BCKDHB: variants seen among roughly 807,000 people sequenced by gnomAD.
BCKDHB encodes 2-oxoisovalerate dehydrogenase subunit beta, mitochondrial.
A neutral mutation model predicts 48.5 loss-of-function variants in BCKDHB; 41 were observed. The ratio of observed to expected loss-of-function variants is 0.85; its 90% CI spans 0.66 to 1.10. BCKDHB has a LOEUF of 1.10. Ranked by LOEUF, BCKDHB falls within the 50% of genes least tolerant of loss-of-function variation. The pLI is 0.00. For missense variants in BCKDHB, 496 were observed against 494.2 expected, an observed-to-expected ratio of 1.00 and a Z score of -0.03; for synonymous variants, 201 against 174.8, an observed-to-expected ratio of 1.15 and a Z score of -1.18.
the BCKDHB span, among the ~76,000 whole-genome samples, chr6:80,461,448 A>C: frequency 6.6e-6 from 1 of 152,078 alleles, no homozygotes; most frequent in African/African-American, 2.4e-5. Flanking sequence ...TTAGACTCCT[A>C]ACTGGTTTTC....
At chr6:80,294,698 C>A (rs1469182785) in intron 9 of BCKDHB, among the ~76,000 whole-genome samples, 1 of 152,130 alleles carries the variant, frequency 6.6e-6, no homozygotes, top group Non-Finnish European at 1.5e-5. Context: ...TACCCTCAGA[C>A]TTATTAGGGT....
the BCKDHB span, among the ~76,000 whole-genome samples, chr6:80,419,548 A>G: frequency 6.6e-6 from 1 of 152,188 alleles, no homozygotes; most frequent in Non-Finnish European, 1.5e-5. Context: ...TTCCCTGGCC[A>G]TGCTTTATTA....
In BCKDHB at chr6:80,237,424, G is replaced by T. The variant is rs138947739; in HGVS notation, c.951+34212G>T. ...TCTGTTTTATTAATTTACTATGTAG[G>T]TGATTTCTAGTGAAACTTATGATCA... is the stretch of plus-strand genomic sequence containing the variant. On this transcript the variant is annotated intron_variant, in intron 8 of 9. Coordinates refer to ENST00000320393, the MANE Select transcript of BCKDHB (RefSeq NM_183050.4). Among the ~76,000 whole-genome samples, 35 of 152,254 alleles carry T rather than the reference G, an allele frequency of 2.3e-4. No individual in the cohort carries two copies. The East Asian group carries it at 6.8e-3, about 29-fold the overall frequency.
At chr6:80,111,769 C>T (rs570257719) in intron 1 of BCKDHB, among the ~76,000 whole-genome samples, 3 of 152,070 alleles carry the variant, frequency 2.0e-5, no homozygotes, top group Non-Finnish European at 4.4e-5. Flanking sequence ...AAGTAAAACC[C>T]AAAGGAGAAC....
the BCKDHB span, among the ~76,000 whole-genome samples, chr6:80,407,837 AC>A: frequency 6.6e-6 from 1 of 152,044 alleles, no homozygotes; most frequent in African/African-American, 2.4e-5. Flanking sequence ...CTAATTGAAT[AC>A]CCTTTATTTC....
At chr6:80,147,654 G>A (rs1043892687) in intron 3 of BCKDHB, among the ~76,000 whole-genome samples, 1 of 152,132 alleles carries the variant, frequency 6.6e-6, no homozygotes, top group Non-Finnish European at 1.5e-5. Context: ...CCTTCGGTGT[G>A]CGTCAGAGGC....
chr6:80,342,891 T>C (rs2322761), intron 9 of BCKDHB, among the ~76,000 whole-genome samples: 118,031 of 152,156 alleles, frequency 0.78, 46,165 homozygotes, highest in Admixed American at 0.84. Context: ...CATGTTTAAA[T>C]CAGATCTCTA....
chr6:80,157,612 T>C (rs1003028582), intron 3 of BCKDHB, among the ~76,000 whole-genome samples: 9 of 151,618 alleles, frequency 5.9e-5, no homozygotes, highest in Non-Finnish European at 1.3e-4. Context: ...ATTACAGGCA[T>C]GTGCCACCAC....
At chr6:80,173,865 T>C (rs1773032944) in intron 6 of BCKDHB, among the ~76,000 whole-genome samples, 1 of 151,652 alleles carries the variant, frequency 6.6e-6, no homozygotes, top group Non-Finnish European at 1.5e-5. Flanking sequence ...GTGTCTCAGA[T>C]GTACTTTACA....
chr6:80,139,743 C>T (rs1264165448), intron 3 of BCKDHB, among the ~76,000 whole-genome samples: 3 of 152,020 alleles, frequency 2.0e-5, no homozygotes, highest in Admixed American at 2.0e-4. Context: ...AGTGTGATGC[C>T]TCCAGCTTTG....
At chr6:80,170,060 C>A in intron 5 of BCKDHB, 2 of 528,424 alleles carry the variant, frequency 3.8e-6, no homozygotes, top group Non-Finnish European at 4.8e-6. Context: ...TTTTTTTCAG[C>A]TGAAATGAAA....
At chr6:80,411,501 TCAGA>T in the BCKDHB span, among the ~76,000 whole-genome samples, 2 of 152,238 alleles carry the variant, frequency 1.3e-5, no homozygotes, top group African/African-American at 4.8e-5. Context: ...TTCAGAGCTG[TCAGA>T]CAGGGACGTT....
At chr6:80,421,193 G>C in the BCKDHB span, among the ~76,000 whole-genome samples, 1 of 152,052 alleles carries the variant, frequency 6.6e-6, no homozygotes, top group Non-Finnish European at 1.5e-5. Flanking sequence ...TGGTTTAAAG[G>C]TGGCAGTTTC....
chr6:80,123,278 G>A (rs1420318644), intron 1 of BCKDHB, among the ~76,000 whole-genome samples: 1 of 152,198 alleles, frequency 6.6e-6, no homozygotes, highest in Admixed American at 6.6e-5. Context: ...GTCCTGAGGT[G>A]ATGTACATCC....
the BCKDHB span, among the ~76,000 whole-genome samples, chr6:80,434,838 C>T: frequency 1.3e-5 from 2 of 152,194 alleles, no homozygotes; most frequent in African/African-American, 4.8e-5. Flanking sequence ...GTTCAGCCTA[C>T]TGCTTTTCAG....
intron 8 of BCKDHB, among the ~76,000 whole-genome samples, chr6:80,217,530 G>A (rs183348902): frequency 2.8e-4 from 42 of 151,874 alleles, no homozygotes; most frequent in African/African-American, 9.4e-4. Flanking sequence ...TTTGAATGTG[G>A]CAGAAGAGAT....
At chr6:80,395,749 C>T in the BCKDHB span, among the ~76,000 whole-genome samples, 1 of 152,140 alleles carries the variant, frequency 6.6e-6, no homozygotes, top group East Asian at 1.9e-4. Flanking sequence ...CTCAATGCAG[C>T]CCCTCTCATC....
the BCKDHB span, among the ~76,000 whole-genome samples, chr6:80,383,513 A>G: frequency 2.0e-5 from 3 of 152,234 alleles, no homozygotes; most frequent in Non-Finnish European, 2.9e-5. Context: ...CCTGTGCATA[A>G]CCAAATCAGT....
the BCKDHB span, chr6:80,441,054 A>G: frequency 6.6e-6 from 1 of 152,172 alleles, no homozygotes; most frequent in African/African-American, 2.4e-5. Flanking sequence ...CTTTTGAAAT[A>G]TTTATGGCTC....
Sources: gnomAD v4.1 joint callset for allele counts (sites outside exome capture counted in the v4.1 genomes callset) on GRCh38, gnomAD v4.1.1 for gene constraint, MANE v1.5 for transcripts, NCBI Gene and HGNC (gene_info 2026-07-23, HGNC 2026-07-21) for gene names.